The following MARCHF1 variants were observed in gnomAD, a reference collection of about 807,000 sequenced individuals.
The protein encoded by MARCHF1 is membrane associated ring-CH-type finger 1.
A neutral mutation model predicts 54.2 loss-of-function variants in MARCHF1; 40 were observed. The ratio of observed to expected loss-of-function variants is 0.74; its 90% CI spans 0.57 to 0.96. The LOEUF is 0.96. MARCHF1 is among the 40% of genes least tolerant of loss of function. The probability of loss-of-function intolerance (pLI) is 0.00; values close to 1 mark genes in which losing one functional copy is unlikely to be tolerated. For missense variants in MARCHF1, 586 were observed against 656.5 expected (o/e 0.89, Z 1.17); for synonymous variants, 236 against 236.3 (o/e 1.00, Z 0.01).
At chr4:164,174,634 T>C (rs1261204119) in intron 1 of MARCHF1, among the ~76,000 whole-genome samples, 2 of 152,178 alleles carry the variant, frequency 1.3e-5, no homozygotes, top group Admixed American at 6.5e-5. Context: ...AGTCAGTGTT[T>C]TGATTAAGCT....
chr4:163,737,545 C>T (rs1231408202), intron 4 of MARCHF1, among the ~76,000 whole-genome samples: 1 of 111,646 alleles, frequency 9.0e-6, no homozygotes, highest in African/African-American at 2.8e-5. Flanking sequence ...AGGACATGAA[C>T]TCATCATTTT....
chr4:164,175,792 T>C (rs1289081651), intron 1 of MARCHF1, among the ~76,000 whole-genome samples: 2 of 152,208 alleles, frequency 1.3e-5, no homozygotes, highest in Non-Finnish European at 2.9e-5. Context: ...TGGGGCTTCT[T>C]AGCCCCAGTA....
At chr4:163,824,165 C>T (rs1316071926) in intron 4 of MARCHF1, among the ~76,000 whole-genome samples, 4 of 151,840 alleles carry the variant, frequency 2.6e-5, no homozygotes, top group Admixed American at 6.6e-5. Flanking sequence ...CACTTTAATG[C>T]CATCTTTCAA....
intron 4 of MARCHF1, among the ~76,000 whole-genome samples, chr4:163,757,461 C>A (rs1347111767): frequency 6.6e-6 from 1 of 152,222 alleles, no homozygotes; most frequent in Non-Finnish European, 1.5e-5. Flanking sequence ...TTCAGATCCT[C>A]TGCCCATCCC....
intron 3 of MARCHF1, among the ~76,000 whole-genome samples, chr4:163,918,639 G>A (rs1751361619): frequency 6.6e-6 from 1 of 152,094 alleles, no homozygotes; most frequent in Non-Finnish European, 1.5e-5. Flanking sequence ...ATTGAAATGT[G>A]TGTAATGTTT....
chr4:163,735,855 A>C (rs974787777), intron 4 of MARCHF1, among the ~76,000 whole-genome samples: 10 of 152,190 alleles, frequency 6.6e-5, no homozygotes, highest in Non-Finnish European at 1.3e-4. Context: ...TTGGAGTCTT[A>C]AACTATTGGT....
intron 2 of MARCHF1, among the ~76,000 whole-genome samples, chr4:164,089,941 T>C (rs935528584): frequency 2.0e-5 from 3 of 151,366 alleles, no homozygotes; most frequent in Non-Finnish European, 4.4e-5. Flanking sequence ...TTTTAGTAAA[T>C]TATATTTTCT....
At chr4:163,824,155 C>G (rs1748777480) in intron 4 of MARCHF1, among the ~76,000 whole-genome samples, 1 of 151,908 alleles carries the variant, frequency 6.6e-6, no homozygotes, top group South Asian at 2.1e-4. Context: ...TTCCAATATA[C>G]ACTTTAATGC....
intron 5 of MARCHF1, among the ~76,000 whole-genome samples, chr4:163,659,779 G>C (rs776297110): frequency 6.6e-6 from 1 of 152,154 alleles, no homozygotes; most frequent in Middle Eastern, 3.4e-3. Flanking sequence ...CATTTATGCA[G>C]CCAACAAACA....
chr4:163,616,016 T>A (rs77553684), intron 5 of MARCHF1, among the ~76,000 whole-genome samples: 12,972 of 152,082 alleles, frequency 0.085, 755 homozygotes, highest in East Asian at 0.24. Flanking sequence ...GATATCCATA[T>A]GAAGAAGAAT....
Position 164,048,476 on chromosome 4 carries a change from C to T in MARCHF1, c.-247-59767G>A, listed in dbSNP as rs140149992. On this transcript the variant is annotated intron_variant, in intron 2 of 9. Transcript: ENST00000514618. The stretch of plus-strand genomic sequence containing the variant: ...AAATCAGATTTATCAAATGAATCTT[C>T]GGCCAACAACTGCTTGAGAACAATG... Among the ~76,000 whole-genome samples the T allele has an allele frequency of 4.8e-4, 73 of 152,172 alleles. 1 individual carries two copies. In the East Asian group the frequency reaches 9.3e-3, roughly 19 times the overall value.
intron 8 of MARCHF1, among the ~76,000 whole-genome samples, chr4:163,570,111 G>T (rs1739791868): frequency 6.6e-6 from 1 of 152,030 alleles, no homozygotes; most frequent in Non-Finnish European, 1.5e-5. Flanking sequence ...ACCCTTATCT[G>T]GATGGCCATA....
chr4:163,779,523 A>C (rs1022404431), intron 4 of MARCHF1, among the ~76,000 whole-genome samples: 2 of 152,184 alleles, frequency 1.3e-5, no homozygotes, highest in Admixed American at 1.3e-4. Flanking sequence ...GTTTTCCATA[A>C]ATACTTGACA....
At chr4:163,787,390 A>C (rs1055166463) in intron 4 of MARCHF1, among the ~76,000 whole-genome samples, 1 of 151,742 alleles carries the variant, frequency 6.6e-6, no homozygotes, top group African/African-American at 2.4e-5. Context: ...TAAAAAAAAA[A>C]CCTGATTAAA....
chr4:164,363,285 A>G (rs1561019606), intron 1 of MARCHF1, among the ~76,000 whole-genome samples: 1 of 152,274 alleles, frequency 6.6e-6, no homozygotes, highest in South Asian at 2.1e-4. Flanking sequence ...GAAAATGTGA[A>G]TATTTCAATA....
intron 1 of MARCHF1, among the ~76,000 whole-genome samples, chr4:164,200,565 T>C (rs1731424816): frequency 6.6e-6 from 1 of 152,198 alleles, no homozygotes; most frequent in South Asian, 2.1e-4. Flanking sequence ...AGATCAAATG[T>C]TTGCAAACTA....
At chr4:164,372,023 A>G (rs1372138296) in intron 1 of MARCHF1, among the ~76,000 whole-genome samples, 2 of 152,222 alleles carry the variant, frequency 1.3e-5, no homozygotes, top group African/African-American at 2.4e-5. Context: ...CAAGGCTGCC[A>G]GTGATGGCGC....
At chr4:163,977,579 C>A (rs1165657473) in intron 3 of MARCHF1, among the ~76,000 whole-genome samples, 2 of 151,804 alleles carry the variant, frequency 1.3e-5, no homozygotes, top group African/African-American at 4.8e-5. Context: ...TTGATATTTC[C>A]AAAGATTATC....
At chr4:163,743,575 A>G (rs866401320) in intron 4 of MARCHF1, among the ~76,000 whole-genome samples, 25 of 116,768 alleles carry the variant, frequency 2.1e-4, no homozygotes, top group Non-Finnish European at 1.5e-4. Flanking sequence ...ATGATACACC[A>G]TCTTTTTTTT....
Sources: allele counts gnomAD v4.1 joint callset (sites outside exome capture counted in the v4.1 genomes callset), GRCh38; gene constraint gnomAD v4.1.1; transcripts MANE v1.5; gene names NCBI Gene and HGNC (gene_info 2026-07-23, HGNC 2026-07-21).